Variants in COL4A3 observed in about 807,000 individuals in gnomAD.
COL4A3 encodes the protein collagen type IV alpha 3 chain, also known as collagen alpha-3(IV) chain.
In COL4A3, 135 loss-of-function variants were observed where a neutral mutation model predicts 217.4. The ratio of observed to expected loss-of-function variants is 0.62; its 90% confidence interval spans 0.54 to 0.72. The LOEUF is 0.72. Among genes scored for constraint, COL4A3 ranks in the 30% least tolerant of loss-of-function variants. The probability of loss-of-function intolerance (pLI) is 0.00; values close to 1 mark genes in which losing one functional copy is unlikely to be tolerated. For missense variants in COL4A3, 1,868 were observed against 2,119.9 expected, an observed-to-expected ratio of 0.88 and a Z score of 2.33; for synonymous variants, 690 against 736.3, an observed-to-expected ratio of 0.94 and a Z score of 1.02.
intron 1 of COL4A3, among the ~76,000 whole-genome samples, chr2:227,217,455 A>G (rs1181262629): frequency 6.6e-6 from 1 of 152,206 alleles, no homozygotes; most frequent in Non-Finnish European, 1.5e-5. Flanking sequence ...TAACAAAGAC[A>G]TATTTTAGCC....
Position 227,191,508 on chromosome 2 carries a change from C to A in COL4A3, c.87+26695C>A, listed in dbSNP as rs1474500491. 6.6e-6 allele frequency among the ~76,000 whole-genome samples: 1 copy of A among 152,176 alleles called. No individual in the cohort carries two copies. Among genetic ancestry groups the A allele is most frequent in the Non-Finnish European group, 1.5e-5 (1 of 68,034 alleles). On this transcript the variant is annotated intron_variant, in intron 1 of 51. Transcript: ENST00000396578. This position sits in a 1 kb window ranked among gnomAD's most constrained non-coding sequence, Gnocchi z 6.8. ...CTCCATCCACGGTGCATTTGTGGAGCTCCCCTGTTGGCCATTCCCCGCATC... is the reference window on the plus strand; with the variant it reads ...CTCCATCCACGGTGCATTTGTGGAGATCCCCTGTTGGCCATTCCCCGCATC...
chr2:227,246,114 A>C, intron 6 of COL4A3, 98 bp downstream of exon 6: 1 of 970,468 alleles, frequency 1.0e-6, no homozygotes. Flanking sequence ...TTCCCTTGAA[A>C]ACATTCCTTT....
chr2:227,238,003 T>A lies in COL4A3; in HGVS notation c.123T>A (p.Cys41Ter). 1 of 1,610,314 alleles carries A rather than the reference T, an allele frequency of 6.2e-7. No homozygotes were observed. Among genetic ancestry groups the A allele is most frequent in the Non-Finnish European group, 8.5e-7 (1 of 1,176,682 alleles). ...GTAAAGACAAAGGCCAGTGCTTCTG[T>A]GACGGGGCCAAAGGGGAGAAGGTAA... ...CVCKDKGQCF[C>*]DGAKGEKGEK... Residue 41 changes from cysteine to a stop codon, truncating the protein, a stop_gained, in exon 2 of 52, where the codon TGT (cysteine) becomes TGA (stop). Coordinates refer to ENST00000396578, the MANE Select transcript of COL4A3 (RefSeq NM_000091.5). LOFTEE classifies it high-confidence loss of function.
At chr2:227,266,624 T>C (rs1346068080) in intron 22 of COL4A3, 115 bp downstream of exon 22, 5 of 790,468 alleles carry the variant, frequency 6.3e-6, no homozygotes, top group Non-Finnish European at 1.1e-5. Context: ...CAGTGATGAC[T>C]TATTTTCCAT....
rs774589394 is a variant in COL4A3 at position 227,251,361 on chromosome 2, G to C, written c.635G>C (p.Arg212Thr). The change falls in exon 11 of 52, where the codon AGA becomes ACA. Residue 212 changes from arginine (R) to threonine (T), a missense_variant. This residue lies in a region of COL4A3 where 365 missense variants were observed against 333.8 expected (regional missense o/e 1.09). Transcript: ENST00000396578. ...GGCTTTCCAGGAGCCATGGGACCTA[G>C]AGGACCTAAGGTAGACTACAGTTCA... ...FFGFPGAMGP[R>T]GPKGHMGERV... is the part of the protein sequence containing the mutation. 4 of 1,613,028 alleles carry C rather than the reference G, an allele frequency of 2.5e-6. No individual in the cohort carries two copies. The highest frequency in any genetic ancestry group is 1.3e-5 in the African/African-American group (1 of 75,026).
chr2:227,208,770 AC>A (rs2067197127), intron 1 of COL4A3, among the ~76,000 whole-genome samples: 3 of 99,820 alleles, frequency 3.0e-5, no homozygotes, highest in African/African-American at 1.3e-4. Flanking sequence ...TTGGTTACAC[AC>A]ACACACACAC....
intron 1 of COL4A3, among the ~76,000 whole-genome samples, chr2:227,218,276 C>T (rs1404455218): frequency 6.6e-6 from 1 of 151,814 alleles, no homozygotes. Context: ...ACCATCCTGG[C>T]TAACACGGTG....
rs768364192 is a variant in COL4A3 at position 227,253,410 on chromosome 2, A to G, written c.687+73A>G. ...CAGAGCATATCAGCCTATACCGTTT[A>G]CTTACGGGCCAAGCTGAAATTGATG... On this transcript the variant is annotated intron_variant, in intron 12 of 51. Transcript: ENST00000396578. This position sits in a 1 kb window ranked among gnomAD's most constrained non-coding sequence, Gnocchi z 4.4. 42 of 1,535,844 alleles carry G rather than the reference A, an allele frequency of 2.7e-5. No homozygotes were observed. The Admixed American group carries it at 7.0e-4, about 26-fold the overall frequency.
chr2:227,247,360 G>T (rs2069410332), intron 7 of COL4A3, among the ~76,000 whole-genome samples, 198 bp from the exon 8 acceptor site: 1 of 152,200 alleles, frequency 6.6e-6, no homozygotes, highest in Non-Finnish European at 1.5e-5. Flanking sequence ...AACAAAATGG[G>T]AAGTTCACAG....
In COL4A3 at chr2:227,222,148, AATAATAATAATAATAATGATAATG is replaced by A. The variant is rs1379970805; in HGVS notation, c.88-15812_88-15789del. On this transcript the variant is annotated intron_variant, in intron 1 of 51. Coordinates refer to ENST00000396578, the MANE Select transcript of COL4A3 (RefSeq NM_000091.5). ...TAATAATAATAATAATAATAATAAT[AATAATAATAATAATAATGATAATG>A]ATAATAAAAAGCTCCTTAAGCACCC... Among the ~76,000 whole-genome samples, 33 of 94,574 alleles carry A rather than the reference AATAATAATAATAATAATGATAATG, an allele frequency of 3.5e-4. 1 individual carries two copies. The highest frequency in any genetic ancestry group is 4.4e-4 in the Non-Finnish European group (19 of 42,908). The allele number at this position is 94,574 out of a possible 152,430, so 62.0% of individuals were successfully genotyped here.
intron 1 of COL4A3, among the ~76,000 whole-genome samples, chr2:227,167,239 G>A (rs2065310335): frequency 1.3e-5 from 2 of 152,144 alleles, no homozygotes; most frequent in African/African-American, 2.4e-5. Flanking sequence ...TTTTACTTTA[G>A]CATTTCTCAA....
intron 1 of COL4A3, among the ~76,000 whole-genome samples, chr2:227,189,811 GT>G (rs1020276731): frequency 8.5e-5 from 13 of 152,106 alleles, no homozygotes; most frequent in African/African-American, 3.1e-4. Context: ...CAAAGACCAG[GT>G]TTCCTTCACC....
chr2:227,313,734 C>A lies in COL4A3; in HGVS notation c.*1864C>A, dbSNP rs542706397. On this transcript the variant is annotated 3_prime_UTR_variant, in exon 52 of 52. Transcript: ENST00000396578. ...GCAGCATTTCACTTATTTAGATTCA[C>A]TTAACAAACAAATTTTTCTGCTTTA... 2.2e-4 allele frequency: 33 copies of A among 152,662 alleles called. No individual in the cohort carries two copies. The highest frequency in any genetic ancestry group is 7.7e-4 in the African/African-American group (32 of 41,582). The allele number at this position is 152,662 out of a possible 1,614,324, so 9.5% of individuals were successfully genotyped here. A position where few individuals can be genotyped will look rare whatever the true frequency, so the allele number is the denominator to read the frequency against.
intron 1 of COL4A3, among the ~76,000 whole-genome samples, chr2:227,217,269 C>G (rs959711419): frequency 3.3e-5 from 5 of 152,236 alleles, no homozygotes; most frequent in African/African-American, 4.8e-5. Flanking sequence ...CCCACTGACT[C>G]TCTCCCACAA....
intron 1 of COL4A3, among the ~76,000 whole-genome samples, chr2:227,200,757 A>G (rs896628689): frequency 6.6e-6 from 1 of 152,224 alleles, no homozygotes; most frequent in Admixed American, 6.5e-5. Context: ...TGTTTCTGTC[A>G]TAAGTAACAT....
At position 227,298,822 on chromosome 2, in the gene COL4A3, G is replaced by A. The variant is rs78980950; in HGVS notation, c.3882+10G>A. ...ACCACCAGGTCGTCTGGTGAGTATG[G>A]ATAATTATTTTGACTCATTATTAAT... On this transcript the variant is annotated intron_variant, in intron 43 of 51. Transcript: ENST00000396578. 1.6e-4 allele frequency: 261 copies of A among 1,612,304 alleles called. 1 individual carries two copies. In the East Asian group the frequency reaches 4.9e-3, roughly 30 times the overall value.
chr2:227,257,924 C>T (rs1342231047), intron 18 of COL4A3, among the ~76,000 whole-genome samples: 1 of 152,160 alleles, frequency 6.6e-6, no homozygotes, highest in African/African-American at 2.4e-5. Flanking sequence ...TGATCCTGCC[C>T]CTTCAGGGTA....
In COL4A3 at chr2:227,264,458, T is replaced by C. The variant is rs566788138; in HGVS notation, c.1315+514T>C. Among the ~76,000 whole-genome samples the C allele has an allele frequency of 2.0e-5, 3 of 152,074 alleles. No individual in the cohort carries two copies. In the East Asian group the frequency reaches 5.8e-4, roughly 29 times the overall value. ...GCCCCAGGACAGTAGGCCAGAGGTGTGCCGCATGGGTGTAAGGCAACATGC... is the reference window on the plus strand; with the variant it reads ...GCCCCAGGACAGTAGGCCAGAGGTGCGCCGCATGGGTGTAAGGCAACATGC... On this transcript the variant is annotated intron_variant, in intron 21 of 51. Transcript: ENST00000396578.
chr2:227,284,065 C>T, intron 33 of COL4A3, 146 bp from the exon 34 acceptor site: 1 of 1,147,568 alleles, frequency 8.7e-7, no homozygotes, highest in South Asian at 1.4e-5. Flanking sequence ...AGGCTGCCTG[C>T]CTGGGGAAAC....
Sources: gnomAD v4.1 joint callset for allele counts (sites outside exome capture counted in the v4.1 genomes callset) on GRCh38, gnomAD v4.1.1 for gene constraint, gnomAD v4.1.1 regional missense constraint, Gnocchi (gnomAD v3.1) non-coding constraint, MANE v1.5 for transcripts, NCBI Gene and HGNC (gene_info 2026-07-23, HGNC 2026-07-21) for gene names.